Variants in NXPH1 observed in about 807,000 individuals in gnomAD.
NXPH1 encodes neurexophilin-1.
Under a neutral mutation model 23.7 loss-of-function variants are expected in NXPH1, and 5 were observed. The ratio of observed to expected loss-of-function variants is 0.21; its 90% CI spans 0.11 to 0.44. The LOEUF (loss-of-function observed/expected upper bound fraction) is 0.44, where lower values mean the gene tolerates loss of function less well. Among genes scored for constraint, NXPH1 ranks in the 20% least tolerant of loss-of-function variants. The pLI is 0.99. For missense variants in NXPH1, 324 were observed against 321.6 expected (o/e 1.01, Z -0.06); for synonymous variants, 144 against 122.2 (o/e 1.18, Z -1.18).
intron 2 of NXPH1, among the ~76,000 whole-genome samples, chr7:8,457,994 G>A (rs1292336986): frequency 6.6e-6 from 1 of 152,098 alleles, no homozygotes; most frequent in Non-Finnish European, 1.5e-5. Context: ...TCTTAATAAT[G>A]TCATATTAAA....
At chr7:8,457,919 C>T (rs746331510) in intron 2 of NXPH1, among the ~76,000 whole-genome samples, 30 of 152,160 alleles carry the variant, frequency 2.0e-4, no homozygotes, top group African/African-American at 4.3e-4. Context: ...GAACCAAGGC[C>T]AGGAATGGTT....
chr7:8,669,033 C>T (rs905446399), intron 2 of NXPH1, among the ~76,000 whole-genome samples: 1 of 152,060 alleles, frequency 6.6e-6, no homozygotes, highest in African/African-American at 2.4e-5. Flanking sequence ...TCTATGAGGG[C>T]CATCCTGGAA....
chr7:8,466,325 C>A (rs749725500), intron 2 of NXPH1, among the ~76,000 whole-genome samples: 11 of 152,146 alleles, frequency 7.2e-5, no homozygotes, highest in Non-Finnish European at 1.3e-4. Flanking sequence ...TGGACACTAG[C>A]TAATCAGTGA....
intron 2 of NXPH1, among the ~76,000 whole-genome samples, chr7:8,463,449 T>A (rs2128607174): frequency 6.6e-6 from 1 of 152,298 alleles, no homozygotes; most frequent in Non-Finnish European, 1.5e-5. Context: ...GCAGTTATAT[T>A]AGTATTATAA....
intron 2 of NXPH1, among the ~76,000 whole-genome samples, chr7:8,608,453 C>T (rs1303521426): frequency 2.0e-5 from 3 of 151,872 alleles, no homozygotes; most frequent in Non-Finnish European, 4.4e-5. Flanking sequence ...TCAGTAGCCT[C>T]CCACTCCTGA....
At chr7:8,592,929 G>A (rs1009426932) in intron 2 of NXPH1, among the ~76,000 whole-genome samples, 1 of 151,684 alleles carries the variant, frequency 6.6e-6, no homozygotes, top group African/African-American at 2.4e-5. Flanking sequence ...TGGCCCAGGG[G>A]CTGTAATTTA....
intron 2 of NXPH1, among the ~76,000 whole-genome samples, chr7:8,731,460 A>G (rs1406615524): frequency 6.6e-6 from 1 of 151,898 alleles, no homozygotes; most frequent in Non-Finnish European, 1.5e-5. Flanking sequence ...TTTTTTCCCC[A>G]TCTTTGTGAT....
At chr7:8,704,839 G>A (rs951032749) in intron 2 of NXPH1, among the ~76,000 whole-genome samples, 16 of 151,934 alleles carry the variant, frequency 1.1e-4, no homozygotes, top group African/African-American at 3.4e-4. Flanking sequence ...CACTGAGTTC[G>A]TAGGTTAAGT....
intron 2 of NXPH1, among the ~76,000 whole-genome samples, chr7:8,530,988 C>A (rs1256083677): frequency 6.6e-6 from 1 of 151,982 alleles, no homozygotes; most frequent in Non-Finnish European, 1.5e-5. Context: ...AGAATGTAAC[C>A]TAAGGTTTTA....
chr7:8,558,901 T>G (rs1203182406), intron 2 of NXPH1, among the ~76,000 whole-genome samples: 1 of 149,628 alleles, frequency 6.7e-6, no homozygotes, highest in Admixed American at 6.6e-5. Flanking sequence ...TTTTTGGAAG[T>G]ATAGTGAACT....
At chr7:8,538,658 T>G (rs1430693114) in intron 2 of NXPH1, among the ~76,000 whole-genome samples, 3 of 151,988 alleles carry the variant, frequency 2.0e-5, no homozygotes, top group African/African-American at 7.2e-5. Context: ...GTGGCAGAAG[T>G]TCTCCACATT....
intron 2 of NXPH1, among the ~76,000 whole-genome samples, chr7:8,518,359 T>C (rs528032939): frequency 6.6e-6 from 1 of 152,248 alleles, no homozygotes; most frequent in African/African-American, 2.4e-5. Flanking sequence ...ATCAACAACA[T>C]AGTTATTATG....
At chr7:8,658,666 A>G (rs1439830157) in intron 2 of NXPH1, among the ~76,000 whole-genome samples, 1 of 152,224 alleles carries the variant, frequency 6.6e-6, no homozygotes, top group African/African-American at 2.4e-5. Context: ...TTCCCATATC[A>G]CAGTGTATTT....
intron 2 of NXPH1, among the ~76,000 whole-genome samples, chr7:8,564,739 T>C (rs1818509670): frequency 6.6e-6 from 1 of 151,510 alleles, no homozygotes; most frequent in Non-Finnish European, 1.5e-5. Context: ...GTGTGGTCCA[T>C]TTCTTTCTTA....
At chr7:8,622,990 T>C (rs2115125697) in intron 2 of NXPH1, among the ~76,000 whole-genome samples, 1 of 152,268 alleles carries the variant, frequency 6.6e-6, no homozygotes, top group East Asian at 1.9e-4. Context: ...GAACTACTCC[T>C]TGAGGGGAGG....
chr7:8,447,214 C>T (rs1816420785), intron 2 of NXPH1, among the ~76,000 whole-genome samples: 1 of 152,194 alleles, frequency 6.6e-6, no homozygotes, highest in South Asian at 2.1e-4. Flanking sequence ...TCTATCTAAT[C>T]TCTGAAATTG....
intron 2 of NXPH1, among the ~76,000 whole-genome samples, chr7:8,638,847 A>G (rs1258907978): frequency 6.6e-6 from 1 of 152,138 alleles, no homozygotes; most frequent in Non-Finnish European, 1.5e-5. Context: ...GTATTTTACA[A>G]TCACAACATA....
At chr7:8,516,116 G>A (rs891799823) in intron 2 of NXPH1, among the ~76,000 whole-genome samples, 10 of 152,036 alleles carry the variant, frequency 6.6e-5, no homozygotes, top group African/African-American at 1.7e-4. Flanking sequence ...CATCTTTAAG[G>A]AGCTATTCAA....
At chr7:8,697,256 C>T (rs1471513934) in intron 2 of NXPH1, among the ~76,000 whole-genome samples, 1 of 151,422 alleles carries the variant, frequency 6.6e-6, no homozygotes, top group Non-Finnish European at 1.5e-5. Flanking sequence ...GCTCCATTCT[C>T]AGTGTGAAAG....
Sources: allele counts gnomAD v4.1 joint callset (sites outside exome capture counted in the v4.1 genomes callset), GRCh38; gene constraint gnomAD v4.1.1; transcripts MANE v1.5; gene names NCBI Gene and HGNC (gene_info 2026-07-23, HGNC 2026-07-21).